Variants in C11orf65 observed in about 807,000 individuals in gnomAD.
C11orf65 encodes chromosome 11 open reading frame 65, also known as protein MFI.
A neutral mutation model predicts 35.3 loss-of-function variants in C11orf65; 38 were observed. The observed-to-expected ratio is 1.08, with a 90% CI of 0.83 to 1.41. The LOEUF (loss-of-function observed/expected upper bound fraction) is 1.41. C11orf65 is among the 40% of genes most tolerant of loss of function. The pLI is 0.00. For missense variants in C11orf65, 370 were observed against 367.1 expected (o/e 1.01, Z -0.06); for synonymous variants, 105 against 114.4 (o/e 0.92, Z 0.53).
At chr11:108,328,920 G>A (rs4988120), downstream of C11orf65, 103 of 1,235,810 alleles carry the variant, frequency 8.3e-5, no homozygotes, top group East Asian at 1.9e-3. Context: ...GCTTTTATAT[G>A]TATATAAGTT....
chr11:108,371,091 T>C (rs748207777), intron 2 of C11orf65, among the ~76,000 whole-genome samples: 1 of 152,132 alleles, frequency 6.6e-6, no homozygotes, highest in Non-Finnish European at 1.5e-5. Flanking sequence ...CACTGAGACA[T>C]AGTATTAAAG....
intron 2 of C11orf65, among the ~76,000 whole-genome samples, chr11:108,341,386 A>G (rs1346319606): frequency 6.6e-6 from 1 of 152,022 alleles, no homozygotes; most frequent in Non-Finnish European, 1.5e-5. Flanking sequence ...TCTTATACTT[A>G]TTATCTAATA....
At chr11:108,448,583 A>C (rs1318260213) in intron 2 of C11orf65, among the ~76,000 whole-genome samples, 2 of 152,212 alleles carry the variant, frequency 1.3e-5, no homozygotes, top group Non-Finnish European at 2.9e-5. Context: ...AAAATTCAAC[A>C]ACCCTTCATG....
chr11:108,444,260 A>G (rs2093212939), intron 2 of C11orf65, among the ~76,000 whole-genome samples: 1 of 152,146 alleles, frequency 6.6e-6, no homozygotes, highest in Non-Finnish European at 1.5e-5. Flanking sequence ...CCCTCCCAAG[A>G]CTAAACCATG....
chr11:108,419,211 T>C (rs1245673208), intron 3 of C11orf65, among the ~76,000 whole-genome samples: 1 of 152,110 alleles, frequency 6.6e-6, no homozygotes, highest in Non-Finnish European at 1.5e-5. Context: ...CAGGTGCAAA[T>C]ATTTATACCA....
chr11:108,374,078 G>A (rs2091647821), intron 2 of C11orf65, among the ~76,000 whole-genome samples: 2 of 152,144 alleles, frequency 1.3e-5, no homozygotes, highest in Admixed American at 6.5e-5. Context: ...TGCCTCTGTA[G>A]GCTCAGAAAC....
chr11:108,382,772 C>CT lies in C11orf65; in HGVS notation c.*248dup, dbSNP rs1403857261. 2.4e-5 allele frequency: 24 copies of CT among 983,832 alleles called. No individual in the cohort carries two copies. Among genetic ancestry groups the CT allele is most frequent in the Non-Finnish European group, 2.9e-5 (24 of 828,648 alleles). 60.9% of individuals were successfully genotyped at this position (983,832 alleles called of 1,614,324 possible). ...GAAGCTTCTTGCACCTAAATGTAGT[C>CT]TCTTTACTTAAGTGTGACTGTTAGA... is the stretch of plus-strand genomic sequence containing the variant. On this transcript the variant is annotated 3_prime_UTR_variant, in exon 9 of 9. Transcript: ENST00000393084.
chr11:108,331,466 C>G lies in C11orf65; in HGVS notation c.*84G>C, dbSNP rs2136492214. 1 of 1,612,418 alleles carries G rather than the reference C, an allele frequency of 6.2e-7. No homozygotes were observed. The highest frequency in any genetic ancestry group is 8.5e-7 in the Non-Finnish European group (1 of 1,179,302). ...TAGAGAGACGGAATGAAGATTCCAA[C>G]ATATAAATTTTTGCCTCTTATGTAC... On this transcript the variant is annotated 3_prime_UTR_variant, in exon 4 of 4. Transcript: ENST00000524755.
exon 4 of C11orf65, chr11:108,331,529 G>A (rs1481787409): frequency 6.2e-7 from 1 of 1,611,666 alleles, no homozygotes. Context: ...ATGATGGGAG[G>A]CCTAGGATTT....
intron 6 of C11orf65, among the ~76,000 whole-genome samples, chr11:108,319,277 C>G (rs1220041973): frequency 6.6e-6 from 1 of 152,126 alleles, no homozygotes; most frequent in African/African-American, 2.4e-5. Flanking sequence ...TTTTCCTGTG[C>G]GAGTTGATTC....
chr11:108,353,467 A>G (rs2089449845), intron 2 of C11orf65, among the ~76,000 whole-genome samples: 1 of 152,120 alleles, frequency 6.6e-6, no homozygotes, highest in Admixed American at 6.5e-5. Context: ...TTAAATATAA[A>G]TATATCATCT....
At chr11:108,311,950 T>G (rs676004) in intron 6 of C11orf65, among the ~76,000 whole-genome samples, 1 of 152,202 alleles carries the variant, frequency 6.6e-6, no homozygotes, top group Non-Finnish European at 1.5e-5. Context: ...TTTATAGTCT[T>G]GGTTTAAGTG....
intron 7 of C11orf65, 131 bp from the exon 8 acceptor site, chr11:108,386,106 C>T: frequency 1.4e-6 from 1 of 740,568 alleles, no homozygotes; most frequent in Non-Finnish European, 2.3e-6. Context: ...ATGTGTAACT[C>T]TCAAGACTTT....
intron 1 of C11orf65, among the ~76,000 whole-genome samples, chr11:108,466,727 T>C (rs1012748068): frequency 6.6e-6 from 1 of 152,248 alleles, no homozygotes; most frequent in African/African-American, 2.4e-5. Flanking sequence ...AAATTTTTTA[T>C]CATAATAGAT....
intron 3 of C11orf65, among the ~76,000 whole-genome samples, chr11:108,426,022 C>T (rs1049955416): frequency 2.6e-5 from 4 of 152,130 alleles, no homozygotes; most frequent in Admixed American, 2.6e-4. Flanking sequence ...CTATTTATGA[C>T]AAACCCACAG....
At chr11:108,377,905 C>T (rs1465928881), downstream of C11orf65, among the ~76,000 whole-genome samples, 1 of 151,878 alleles carries the variant, frequency 6.6e-6, no homozygotes, top group Non-Finnish European at 1.5e-5. Context: ...AATAAAATAC[C>T]TGGGAATCCA....
chr11:108,441,688 G>A (rs528858221), intron 2 of C11orf65, among the ~76,000 whole-genome samples: 32 of 152,326 alleles, frequency 2.1e-4, no homozygotes, highest in South Asian at 1.0e-3. Flanking sequence ...TGCAGCCTCC[G>A]CTGGTGATAC....
At chr11:108,346,552 C>CCTG (rs1209402108) in intron 2 of C11orf65, 3 of 151,672 alleles carry the variant, frequency 2.0e-5, no homozygotes, top group African/African-American at 7.3e-5. Context: ...CATACTATAC[C>CCTG]CCAGGAAGGC....
At chr11:108,377,048 G>T (rs934062786) in intron 2 of C11orf65, among the ~76,000 whole-genome samples, 1 of 151,424 alleles carries the variant, frequency 6.6e-6, no homozygotes, top group African/African-American at 2.4e-5. Flanking sequence ...TTCTACCAGA[G>T]GTACAAGGAG....
Sources: gnomAD v4.1 joint callset for allele counts (sites outside exome capture counted in the v4.1 genomes callset) on GRCh38, gnomAD v4.1.1 for gene constraint, MANE v1.5 for transcripts, NCBI Gene and HGNC (gene_info 2026-07-23, HGNC 2026-07-21) for gene names.